Variants in OSBPL8 observed in about 807,000 individuals in gnomAD.
The protein encoded by OSBPL8 is oxysterol-binding protein-related protein 8.
OSBPL8 carries 59 observed loss-of-function variants against 125.5 expected under a neutral mutation model. The ratio of observed to expected loss-of-function variants is 0.47; its 90% CI spans 0.38 to 0.58. OSBPL8 has a LOEUF of 0.58. Ranked by LOEUF, OSBPL8 falls within the 20% of genes least tolerant of loss-of-function variation. The pLI, the probability that OSBPL8 is intolerant of heterozygous loss-of-function variation, is 0.00. For missense variants in OSBPL8, 758 were observed against 1,047.8 expected (o/e 0.72, Z 3.82); for synonymous variants, 330 against 338.9 (o/e 0.97, Z 0.29).
chr12:76,482,806 T>C (rs1249745108), intron 2 of OSBPL8, among the ~76,000 whole-genome samples: 2 of 152,216 alleles, frequency 1.3e-5, no homozygotes, highest in Non-Finnish European at 2.9e-5. Context: ...TTTAGACATA[T>C]ATTAAAAAGT....
intron 1 of OSBPL8, among the ~76,000 whole-genome samples, chr12:76,531,106 C>T (rs1307350253): frequency 2.0e-5 from 3 of 152,146 alleles, no homozygotes; most frequent in African/African-American, 7.2e-5. Flanking sequence ...CCTCAGGAAA[C>T]TTACAATCAT....
intron 4 of OSBPL8, among the ~76,000 whole-genome samples, chr12:76,415,068 C>A (rs1471848028): frequency 1.3e-5 from 2 of 152,140 alleles, no homozygotes; most frequent in African/African-American, 4.8e-5. Context: ...CAATCTCTTT[C>A]AGTTGAATTT....
rs144227716 is a variant in OSBPL8 at position 76,454,557 on chromosome 12, G to T, written c.80-3569C>A. ...AAAAATTAAAAAAAGTTAGCTGGGC[G>T]TGGTAGCTCACACTGTAATCCTAGC... On this transcript the variant is annotated intron_variant, in intron 3 of 23. Coordinates refer to ENST00000261183, the MANE Select transcript of OSBPL8 (RefSeq NM_020841.5). Among the ~76,000 whole-genome samples the T allele has an allele frequency of 4.1e-3, 627 of 151,652 alleles. 2 individuals are homozygous for T. Among genetic ancestry groups the T allele is most frequent in the Non-Finnish European group, 7.0e-3 (476 of 67,842 alleles).
intron 18 of OSBPL8, among the ~76,000 whole-genome samples, chr12:76,372,951 A>C (rs1952675271): frequency 6.6e-6 from 1 of 152,160 alleles, no homozygotes; most frequent in Non-Finnish European, 1.5e-5. Context: ...CTTTGAGCAA[A>C]TTATGTGAAC....
intron 12 of OSBPL8, among the ~76,000 whole-genome samples, chr12:76,388,166 C>T (rs1565851365): frequency 6.6e-6 from 1 of 152,164 alleles, no homozygotes. Flanking sequence ...CTGTGCTGGA[C>T]ACTGGAGTTA....
intron 11 of OSBPL8, 59 bp downstream of exon 11, chr12:76,390,361 C>T (rs1025986401): frequency 1.6e-5 from 20 of 1,231,486 alleles, no homozygotes; most frequent in Non-Finnish European, 2.2e-5. Context: ...TCTTCAATTT[C>T]ATTTAAGAAT....
chr12:76,452,602 T>C (rs1873549852), intron 3 of OSBPL8, among the ~76,000 whole-genome samples: 1 of 152,244 alleles, frequency 6.6e-6, no homozygotes, highest in Non-Finnish European at 1.5e-5. Context: ...CTCTTTCTCT[T>C]ACTGAGCAAT....
intron 4 of OSBPL8, among the ~76,000 whole-genome samples, chr12:76,444,094 G>A (rs985304824): frequency 2.6e-5 from 4 of 151,896 alleles, no homozygotes; most frequent in African/African-American, 9.7e-5. Context: ...TAAAACAATA[G>A]AACAAAACCA....
At chr12:76,515,857 C>T (rs1005657849) in intron 1 of OSBPL8, among the ~76,000 whole-genome samples, 1 of 152,094 alleles carries the variant, frequency 6.6e-6, no homozygotes, top group Admixed American at 6.6e-5. Context: ...CTGTGAGAGC[C>T]ACACATATTA....
In OSBPL8 at chr12:76,495,293, A is replaced by G. The variant is rs139312730; in HGVS notation, c.-67-7675T>C. Among the ~76,000 whole-genome samples the G allele has an allele frequency of 6.7e-3, 1,024 of 152,336 alleles. 37 individuals carry two copies. Among genetic ancestry groups the G allele is most frequent in the Non-Finnish European group, 1.8e-3 (123 of 68,034 alleles). On this transcript the variant is annotated intron_variant, in intron 1 of 23. Coordinates refer to ENST00000261183, the MANE Select transcript of OSBPL8 (RefSeq NM_020841.5). Reference sequence around the variant, plus strand: ...AGACATTAACAAAATATACAAATTCAGCAACATTAGGAAGAACATGGTCAG... The same window carrying G: ...AGACATTAACAAAATATACAAATTCGGCAACATTAGGAAGAACATGGTCAG...
At chr12:76,549,842 G>A (rs1252421690) in intron 1 of OSBPL8, among the ~76,000 whole-genome samples, 2 of 151,902 alleles carry the variant, frequency 1.3e-5, no homozygotes, top group Non-Finnish European at 1.5e-5. Context: ...CACAGAATTC[G>A]GAAAGTTTGC....
chr12:76,422,665 C>T, intron 4 of OSBPL8: 1 of 456,166 alleles, frequency 2.2e-6, no homozygotes, highest in Non-Finnish European at 4.4e-6. Context: ...CTCAGAAGGT[C>T]TATTTAATGT....
chr12:76,455,602 G>C (rs1873938969), intron 3 of OSBPL8, among the ~76,000 whole-genome samples: 1 of 152,100 alleles, frequency 6.6e-6, no homozygotes, highest in Non-Finnish European at 1.5e-5. Context: ...TGCAGAAACA[G>C]CAGTATACAG....
intron 9 of OSBPL8, among the ~76,000 whole-genome samples, chr12:76,394,420 A>C (rs1169526735): frequency 6.6e-6 from 1 of 152,116 alleles, no homozygotes; most frequent in Admixed American, 6.5e-5. Flanking sequence ...GAAGAAGAAA[A>C]CTCTGAACTG....
At chr12:76,488,922 C>T (rs1212450556) in intron 1 of OSBPL8, among the ~76,000 whole-genome samples, 1 of 152,214 alleles carries the variant, frequency 6.6e-6, no homozygotes, top group Non-Finnish European at 1.5e-5. Context: ...TTACACCAAA[C>T]AGCCATGTTG....
In OSBPL8 at chr12:76,483,859, GA is replaced by G. The variant is rs544725326; in HGVS notation, c.42+3650del. On this transcript the variant is annotated intron_variant, in intron 2 of 23. Coordinates refer to ENST00000261183, the MANE Select transcript of OSBPL8 (RefSeq NM_020841.5). ...CTGGCTAATTTTTGTATTTTTAGTAGAGATGGGGTTTCACCATGTTGGCCAG... is the reference window on the plus strand; with the variant it reads ...CTGGCTAATTTTTGTATTTTTAGTAGGATGGGGTTTCACCATGTTGGCCAG... Among the ~76,000 whole-genome samples the G allele has an allele frequency of 4.0e-5, 6 of 151,752 alleles. No individual in the cohort carries two copies. In the East Asian group the frequency reaches 1.2e-3, roughly 30 times the overall value.
chr12:76,431,322 A>C (rs1870796814), intron 4 of OSBPL8, among the ~76,000 whole-genome samples: 1 of 152,000 alleles, frequency 6.6e-6, no homozygotes, highest in Admixed American at 6.6e-5. Context: ...AAAACAAAAA[A>C]AACCCACAAA....
chr12:76,547,374 A>C (rs1249192885), intron 1 of OSBPL8, among the ~76,000 whole-genome samples: 1 of 152,246 alleles, frequency 6.6e-6, no homozygotes, highest in Non-Finnish European at 1.5e-5. Context: ...AGTATGGGAA[A>C]AGAAGTAAAA....
chr12:76,514,877 T>C (rs1592830245), intron 1 of OSBPL8, among the ~76,000 whole-genome samples: 1 of 152,354 alleles, frequency 6.6e-6, no homozygotes, highest in East Asian at 1.9e-4. Context: ...TGTTTGTCTA[T>C]CTTATTTCAG....
Sources: allele counts gnomAD v4.1 joint callset (sites outside exome capture counted in the v4.1 genomes callset), GRCh38; gene constraint gnomAD v4.1.1; transcripts MANE v1.5; gene names NCBI Gene and HGNC (gene_info 2026-07-23, HGNC 2026-07-21).